Variants in HGSNAT observed in about 807,000 individuals in gnomAD.
The protein encoded by HGSNAT is transmembrane protein 76.
In HGSNAT, 59 loss-of-function variants were observed where a neutral mutation model predicts 85.2. The observed-to-expected ratio is 0.69, with a 90% confidence interval of 0.56 to 0.86. HGSNAT has a LOEUF of 0.86. Ranked by LOEUF, HGSNAT falls within the 40% of genes least tolerant of loss-of-function variation. HGSNAT has a pLI of 0.00. For synonymous variants in HGSNAT, 321 were observed against 304.5 expected (o/e 1.05, Z -0.56); for missense variants, 756 against 777.1 (o/e 0.97, Z 0.32).
chr8:43,146,585 G>A (rs1802719487), intron 1 of HGSNAT, among the ~76,000 whole-genome samples: 1 of 152,136 alleles, frequency 6.6e-6, no homozygotes, highest in South Asian at 2.1e-4. Context: ...CATTATTATA[G>A]GGAAACTACT....
intron 2 of HGSNAT, 94 bp downstream of exon 2, chr8:43,147,157 T>A: frequency 1.4e-6 from 1 of 709,820 alleles, no homozygotes; most frequent in Non-Finnish European, 2.3e-6. Flanking sequence ...ACAAGTTAAT[T>A]TCAGTTTTGC....
chr8:43,149,781 A>G (rs1464151281), intron 2 of HGSNAT, among the ~76,000 whole-genome samples: 1 of 152,118 alleles, frequency 6.6e-6, no homozygotes, highest in Non-Finnish European at 1.5e-5. Context: ...GCAAATTATA[A>G]TAACTTCATA....
Position 43,173,587 on chromosome 8 carries a change from G to A in HGSNAT, c.821-126G>A, listed in dbSNP as rs920200746. On this transcript the variant is annotated intron_variant, in intron 8 of 17. Coordinates refer to ENST00000379644, the MANE Select transcript of HGSNAT (RefSeq NM_152419.3). ...GGCCCCCACAAAGTGTTGGGATTAC[G>A]GGCATGAGTCACTGCGCCTCCCCTG... 2.6e-5 allele frequency: 26 copies of A among 998,474 alleles called. No individual in the cohort carries two copies. In the East Asian group the frequency reaches 3.0e-4, roughly 12 times the overall value. 61.9% of individuals were successfully genotyped at this position (998,474 alleles called of 1,614,324 possible). A position where few individuals can be genotyped will look rare whatever the true frequency, so the allele number is the denominator to read the frequency against.
At chr8:43,146,529 T>C (rs1802717734) in intron 1 of HGSNAT, among the ~76,000 whole-genome samples, 1 of 152,238 alleles carries the variant, frequency 6.6e-6, no homozygotes, top group African/African-American at 2.4e-5. Context: ...AGAGGCTTAA[T>C]TTATTCATCT....
intron 11 of HGSNAT, among the ~76,000 whole-genome samples, chr8:43,187,162 G>T (rs1804345312): frequency 1.3e-5 from 2 of 152,134 alleles, no homozygotes; most frequent in South Asian, 4.1e-4. Context: ...TCAGGTCTGT[G>T]TGGTGCAGAG....
At chr8:43,191,111 T>G (rs1216256132) in intron 11 of HGSNAT, among the ~76,000 whole-genome samples, 2 of 152,254 alleles carry the variant, frequency 1.3e-5, no homozygotes, top group Admixed American at 1.3e-4. Context: ...AGATTCCGCT[T>G]TAGGGATACA....
chr8:43,148,882 G>A (rs111339598), intron 2 of HGSNAT, among the ~76,000 whole-genome samples: 2,081 of 151,504 alleles, frequency 0.014, 42 homozygotes, highest in African/African-American at 0.047. Context: ...ACTTTGGGTG[G>A]CCTAGTGGGC....
intron 2 of HGSNAT, among the ~76,000 whole-genome samples, chr8:43,150,296 C>T (rs1193604264): frequency 6.6e-6 from 1 of 151,938 alleles, no homozygotes; most frequent in Non-Finnish European, 1.5e-5. Context: ...GTATGGTAAA[C>T]AGTTAATGTT....
At chr8:43,144,361 C>T (rs544693395) in intron 1 of HGSNAT, among the ~76,000 whole-genome samples, 4 of 151,900 alleles carry the variant, frequency 2.6e-5, no homozygotes, top group Non-Finnish European at 5.9e-5. Flanking sequence ...TGGATGTTCC[C>T]GATCCTGAAG....
chr8:43,173,557 G>A (rs954976177), intron 8 of HGSNAT, among the ~76,000 whole-genome samples, 156 bp from the exon 9 acceptor site: 1 of 152,042 alleles, frequency 6.6e-6, no homozygotes, highest in Non-Finnish European at 1.5e-5. Flanking sequence ...TGATCTGCTC[G>A]CCTCGGCCCC....
At position 43,172,308 on chromosome 8, in the gene HGSNAT, A is replaced by G. The variant is rs762402992; in HGVS notation, c.744-2A>G. ...AGGCTTCTCTTTGTTGGCTTCTTCTAGGATTGCTCTTATACTCATGGTCTT... is the reference window on the plus strand; with the variant it reads ...AGGCTTCTCTTTGTTGGCTTCTTCTGGGATTGCTCTTATACTCATGGTCTT... On this transcript the variant is annotated splice_acceptor_variant, in intron 7 of 17. Transcript: ENST00000379644. LOFTEE classifies it high-confidence loss of function. The G allele has an allele frequency of 1.9e-6, 3 of 1,608,004 alleles. No homozygotes were observed. The highest frequency in any genetic ancestry group is 2.2e-5 in the South Asian group (2 of 90,990).
At chr8:43,187,635 C>A (rs1804365012) in intron 11 of HGSNAT, among the ~76,000 whole-genome samples, 1 of 151,986 alleles carries the variant, frequency 6.6e-6, no homozygotes, top group Non-Finnish European at 1.5e-5. Flanking sequence ...GCATTTAGCC[C>A]ATTTATATTT....
At chr8:43,147,436 A>G (rs1315908275) in intron 2 of HGSNAT, among the ~76,000 whole-genome samples, 1 of 152,182 alleles carries the variant, frequency 6.6e-6, no homozygotes, top group Non-Finnish European at 1.5e-5. Context: ...AGTGGCAGTT[A>G]TTCCAGGGCC....
chr8:43,141,258 C>T (rs899707862), intron 1 of HGSNAT, among the ~76,000 whole-genome samples: 1 of 152,160 alleles, frequency 6.6e-6, no homozygotes, highest in African/African-American at 2.4e-5. Context: ...CGTCTCCCCT[C>T]GGCGCGTTTT....
chr8:43,195,415 A>C (rs531727868), intron 14 of HGSNAT, among the ~76,000 whole-genome samples: 190 of 152,056 alleles, frequency 1.2e-3, no homozygotes, highest in African/African-American at 4.4e-3. Flanking sequence ...AGTCCTATTC[A>C]TTAAGTGGGA....
chr8:43,146,419 G>A (rs187791252), intron 1 of HGSNAT, among the ~76,000 whole-genome samples: 6 of 152,166 alleles, frequency 3.9e-5, no homozygotes, highest in Non-Finnish European at 8.8e-5. Context: ...GCTCAGTAAC[G>A]TGGTAGGGGA....
intron 17 of HGSNAT, 100 bp from the exon 18 acceptor site, chr8:43,199,288 C>T: frequency 1.2e-6 from 1 of 824,176 alleles, no homozygotes; most frequent in East Asian, 2.8e-5. Flanking sequence ...GAAGTGCACA[C>T]TTTCTGTTTT....
chr8:43,190,896 G>A (rs990468575), intron 11 of HGSNAT, among the ~76,000 whole-genome samples: 6 of 152,130 alleles, frequency 3.9e-5, no homozygotes, highest in South Asian at 2.1e-4. Context: ...TGCACTAACC[G>A]CCAGTCACTC....
At position 43,170,571 on chromosome 8, in the gene HGSNAT, C is replaced by G. The variant is rs1563367621; in HGVS notation, c.634-14C>G. 6.3e-7 allele frequency: 1 copy of G among 1,579,852 alleles called. No homozygotes were observed. Among genetic ancestry groups the G allele is most frequent in the South Asian group, 1.1e-5 (1 of 87,268 alleles). The stretch of plus-strand genomic sequence containing the variant: ...GCATTATGAGTTGTCATCTTTCTCC[C>G]TTTTTTTCTGAAGGAGCTGGGATCT... On this transcript the variant is annotated splice_polypyrimidine_tract_variant and intron_variant, in intron 6 of 17. Coordinates refer to ENST00000379644, the MANE Select transcript of HGSNAT (RefSeq NM_152419.3).
Sources: allele counts gnomAD v4.1 joint callset (sites outside exome capture counted in the v4.1 genomes callset), GRCh38; gene constraint gnomAD v4.1.1; transcripts MANE v1.5; gene names NCBI Gene and HGNC (gene_info 2026-07-23, HGNC 2026-07-21).